Variants in FAM161A observed in about 807,000 individuals in gnomAD.
FAM161A encodes protein FAM161A.
A neutral mutation model predicts 70.9 loss-of-function variants in FAM161A; 57 were observed. That is an observed-to-expected ratio of 0.80 (90% confidence interval 0.65 to 1.00). The LOEUF (loss-of-function observed/expected upper bound fraction) is 1.00, where lower values mean the gene tolerates loss of function less well. FAM161A is among the 50% of genes least tolerant of loss of function. The pLI is 0.00. For missense variants in FAM161A, 880 were observed against 836.0 expected, an observed-to-expected ratio of 1.05 and a Z score of -0.65; for synonymous variants, 299 against 295.7, an observed-to-expected ratio of 1.01 and a Z score of -0.12.
At chr2:61,823,686 CAT>C (rs1672260265), downstream of FAM161A, among the ~76,000 whole-genome samples, 1 of 151,996 alleles carries the variant, frequency 6.6e-6, no homozygotes, top group South Asian at 2.1e-4. Flanking sequence ...TTTATAGATA[CAT>C]ATATACGTGT....
At chr2:61,811,796 G>C in the FAM161A span, among the ~76,000 whole-genome samples, 1 of 152,178 alleles carries the variant, frequency 6.6e-6, no homozygotes, top group African/African-American at 2.4e-5. Context: ...GTGAGCCACT[G>C]TGCCTGGCCC....
intron 1 of FAM161A, among the ~76,000 whole-genome samples, chr2:61,848,411 G>T (rs1445370621): frequency 6.6e-6 from 1 of 151,986 alleles, no homozygotes; most frequent in Non-Finnish European, 1.5e-5. Context: ...ATCTTTAATT[G>T]TCTCCACTGA....
chr2:61,827,174 C>CT lies in FAM161A; in HGVS notation c.1935dup (p.Gly646ArgfsTer8). Reference sequence around the variant, plus strand: ...TACTCAAGTACTTTTCCACTTTGGCCTTTCTTTGAAACAAACTCATCAGAT... The same window carrying CT: ...TACTCAAGTACTTTTCCACTTTGGCCTTTTCTTTGAAACAAACTCATCAGAT... On this transcript the variant is annotated frameshift_variant, in exon 6 of 7. Coordinates refer to ENST00000404929, the MANE Select transcript of FAM161A (RefSeq NM_001201543.2). LOFTEE classifies it high-confidence loss of function. 1 of 1,613,922 alleles carries CT rather than the reference C, an allele frequency of 6.2e-7. No individual in the cohort carries two copies. The highest frequency in any genetic ancestry group is 8.5e-7 in the Non-Finnish European group (1 of 1,179,994).
At position 61,825,700 on chromosome 2, in the gene FAM161A, C is replaced by T. The variant is rs933044250; in HGVS notation, c.*755G>A. ...TTGCCCAAGCTGGAGTGCAGTGGCG[C>T]GATCTCGGCTCACTGCAAGCTCTGC... On this transcript the variant is annotated 3_prime_UTR_variant, in exon 7 of 7. Coordinates refer to ENST00000404929, the MANE Select transcript of FAM161A (RefSeq NM_001201543.2). 42 of 415,750 alleles carry T rather than the reference C, an allele frequency of 1.0e-4. No individual in the cohort carries two copies. The highest frequency in any genetic ancestry group is 1.6e-3 in the Middle Eastern group (2 of 1,252). 25.8% of individuals were successfully genotyped at this position (415,750 alleles called of 1,614,324 possible).
the FAM161A span, among the ~76,000 whole-genome samples, chr2:61,812,242 C>T: frequency 3.9e-5 from 6 of 152,190 alleles, 1 homozygote; most frequent in Admixed American, 2.0e-4. Flanking sequence ...CCTCCCCCAA[C>T]TGGAATGTAA....
downstream of FAM161A, chr2:61,820,549 G>A: frequency 1.3e-6 from 1 of 742,242 alleles, no homozygotes; most frequent in Middle Eastern, 3.7e-4. Context: ...AGACACTGAA[G>A]AACATCACCT....
In FAM161A at chr2:61,838,539, T is replaced by C. The variant is rs1477715874; in HGVS notation, c.1750A>G (p.Arg584Gly). The C allele has an allele frequency of 1.2e-6, 2 of 1,602,354 alleles. No individual in the cohort carries two copies. Among genetic ancestry groups the C allele is most frequent in the Non-Finnish European group, 8.5e-7 (1 of 1,173,520 alleles). Residue 584 changes from arginine (R) to glycine (G), a missense_variant and splice_region_variant, in exon 4 of 7, where the codon AGA (arginine) becomes GGA (glycine). Physicochemically the swap from Arg to Gly is moderately radical, Grantham distance 125. Coordinates refer to ENST00000404929, the MANE Select transcript of FAM161A (RefSeq NM_001201543.2). ...QISKSRVKCL[R>G]KSEKERMREY... ...AGATTCAAGATTTTTTCATGATACC[T>C]GAGACATTTTACTCTGGATTTAGAT...
chr2:61,813,254 A>G, the FAM161A span, among the ~76,000 whole-genome samples: 5 of 151,848 alleles, frequency 3.3e-5, no homozygotes, highest in African/African-American at 1.2e-4. Context: ...TGGGCAACAT[A>G]GAGAGACCTT....
chr2:61,837,046 T>C (rs1672801294), intron 4 of FAM161A, among the ~76,000 whole-genome samples: 1 of 152,172 alleles, frequency 6.6e-6, no homozygotes, highest in African/African-American at 2.4e-5. Flanking sequence ...TTTAAATTTT[T>C]TGTAGAGATG....
At chr2:61,812,936 G>T in the FAM161A span, among the ~76,000 whole-genome samples, 1 of 151,960 alleles carries the variant, frequency 6.6e-6, no homozygotes, top group African/African-American at 2.4e-5. Flanking sequence ...GGGCGTGGTG[G>T]CAGGCGCCAC....
At chr2:61,808,864 A>G in the FAM161A span, among the ~76,000 whole-genome samples, 1 of 151,946 alleles carries the variant, frequency 6.6e-6, no homozygotes, top group East Asian at 1.9e-4. Flanking sequence ...AATTGTAAAC[A>G]AACACTGTAA....
At chr2:61,805,217 A>ATTATTGATTTAT in the FAM161A span, among the ~76,000 whole-genome samples, 3 of 152,162 alleles carry the variant, frequency 2.0e-5, no homozygotes, top group African/African-American at 7.2e-5. Context: ...ACCAGCATAT[A>ATTATTGATTTAT]GCCTCCATGT....
At position 61,825,462 on chromosome 2, in the gene FAM161A, A is replaced by C. The variant is rs1470131506; in HGVS notation, c.*993T>G. 1.3e-5 allele frequency: 6 copies of C among 453,914 alleles called. No homozygotes were observed. In the Admixed American group the frequency reaches 1.4e-4, roughly 11 times the overall value. The allele number at this position is 453,914 out of a possible 1,614,324, so 28.1% of individuals were successfully genotyped here. On this transcript the variant is annotated 3_prime_UTR_variant, in exon 7 of 7. Transcript: ENST00000404929. ...CATGCCATAATTACTTCCATCTGTA[A>C]TAATACATAGGGTTAAAAAAACTAG...
chr2:61,830,504 A>C (rs1375926315), intron 5 of FAM161A, among the ~76,000 whole-genome samples: 1 of 151,784 alleles, frequency 6.6e-6, no homozygotes, highest in Non-Finnish European at 1.5e-5. Context: ...AACATGGTGA[A>C]ATCCCGTCTC....
At chr2:61,806,784 C>A in the FAM161A span, among the ~76,000 whole-genome samples, 5 of 149,692 alleles carry the variant, frequency 3.3e-5, no homozygotes, top group African/African-American at 1.2e-4. Flanking sequence ...GCTCCGCCTC[C>A]GGGGTTCACA....
chr2:61,807,976 G>C, the FAM161A span, among the ~76,000 whole-genome samples: 2 of 152,156 alleles, frequency 1.3e-5, no homozygotes, highest in Non-Finnish European at 2.9e-5. Context: ...TGTGGGCCCA[G>C]TGCTGCTAGA....
At chr2:61,804,819 A>AAAGAAAGAAAGAAAGAAAGG in the FAM161A span, among the ~76,000 whole-genome samples, 1 of 114,240 alleles carries the variant, frequency 8.8e-6, no homozygotes, top group East Asian at 2.9e-4. Flanking sequence ...AGAAAGAAAG[A>AAAGAAAGAAAGAAAGAAAGG]GAAAGAGAAA....
At chr2:61,801,518 C>G in the FAM161A span, among the ~76,000 whole-genome samples, 8 of 150,364 alleles carry the variant, frequency 5.3e-5, no homozygotes, top group African/African-American at 2.0e-4. Flanking sequence ...AATAGAATTA[C>G]TGGATTAAGT....
At chr2:61,847,522 G>T (rs1463928534) in intron 1 of FAM161A, among the ~76,000 whole-genome samples, 2 of 152,156 alleles carry the variant, frequency 1.3e-5, no homozygotes, top group Non-Finnish European at 2.9e-5. Context: ...TGTAATCCCA[G>T]CACTTTGGGA....
Sources: gnomAD v4.1 joint callset for allele counts (sites outside exome capture counted in the v4.1 genomes callset) on GRCh38, gnomAD v4.1.1 for gene constraint, MANE v1.5 for transcripts, NCBI Gene and HGNC (gene_info 2026-07-23, HGNC 2026-07-21) for gene names.